The following RSRC1 variants were observed in gnomAD, a reference collection of about 807,000 sequenced individuals.
The protein encoded by RSRC1 is arginine and serine rich coiled-coil 1, also known as serine/Arginine-related protein 53.
A neutral mutation model predicts 49.1 loss-of-function variants in RSRC1; 39 were observed. The ratio of observed to expected loss-of-function variants is 0.79; its 90% CI spans 0.61 to 1.04. The LOEUF is 1.04. Ranked by LOEUF, RSRC1 falls within the 50% of genes least tolerant of loss-of-function variation. The pLI is 0.00. For synonymous variants in RSRC1, 143 were observed against 130.8 expected, an observed-to-expected ratio of 1.09 and a Z score of -0.63; for missense variants, 388 against 402.4, an observed-to-expected ratio of 0.96 and a Z score of 0.31.
At chr3:158,238,416 C>G (rs1465757497) in intron 4 of RSRC1, among the ~76,000 whole-genome samples, 1 of 152,122 alleles carries the variant, frequency 6.6e-6, no homozygotes, top group Non-Finnish European at 1.5e-5. Flanking sequence ...CAAGTCAATC[C>G]TAAGCCAAAA....
At chr3:158,505,973 A>G (rs1739842681) in intron 7 of RSRC1, among the ~76,000 whole-genome samples, 1 of 152,192 alleles carries the variant, frequency 6.6e-6, no homozygotes, top group Non-Finnish European at 1.5e-5. Flanking sequence ...TTCTTTAAAA[A>G]GCAAATAAAA....
intron 6 of RSRC1, among the ~76,000 whole-genome samples, chr3:158,436,558 C>A (rs1257030874): frequency 1.3e-5 from 2 of 151,700 alleles, no homozygotes; most frequent in Admixed American, 6.6e-5. Flanking sequence ...ATTGGAGAAA[C>A]CACTTTACAT....
intron 7 of RSRC1, among the ~76,000 whole-genome samples, chr3:158,463,171 C>T (rs1489025056): frequency 6.6e-6 from 1 of 151,962 alleles, no homozygotes; most frequent in Non-Finnish European, 1.5e-5. Flanking sequence ...CTAAGACAGG[C>T]CGTAACTATT....
At chr3:158,311,641 G>A (rs1728135168) in intron 5 of RSRC1, among the ~76,000 whole-genome samples, 1 of 151,916 alleles carries the variant, frequency 6.6e-6, no homozygotes, top group South Asian at 2.1e-4. Context: ...GAAATCTAAT[G>A]TACAGCATGG....
intron 3 of RSRC1, among the ~76,000 whole-genome samples, chr3:158,165,759 T>G (rs778820032): frequency 2.0e-5 from 3 of 152,248 alleles, no homozygotes; most frequent in Non-Finnish European, 2.9e-5. Flanking sequence ...TTATTCCATA[T>G]TTGCTCCACT....
chr3:158,216,663 C>G (rs1332090414), intron 4 of RSRC1, among the ~76,000 whole-genome samples: 1 of 151,580 alleles, frequency 6.6e-6, no homozygotes, highest in Non-Finnish European at 1.5e-5. Flanking sequence ...TGTAATAGTT[C>G]TTTAGAAAAA....
Position 158,460,584 on chromosome 3 carries a change from T to C in RSRC1, c.584-351T>C, listed in dbSNP as rs558688987. Among the ~76,000 whole-genome samples, 9 of 151,996 alleles carry C rather than the reference T, an allele frequency of 5.9e-5. No individual in the cohort carries two copies. In the South Asian group the frequency reaches 1.7e-3, roughly 28 times the overall value. On this transcript the variant is annotated intron_variant, in intron 6 of 9. Coordinates refer to ENST00000611884, the MANE Select transcript of RSRC1 (RefSeq NM_001271838.2). ...AGTGCGAACTGTACCTTAAGAACTT[T>C]CCTCCAAAATTTAAAACAAATGCAT...
intron 6 of RSRC1, among the ~76,000 whole-genome samples, chr3:158,445,242 T>G (rs1036957010): frequency 6.6e-6 from 1 of 152,084 alleles, no homozygotes; most frequent in African/African-American, 2.4e-5. Flanking sequence ...TAGCAAAGAC[T>G]TGGAACAAAC....
chr3:158,262,327 A>G (rs540161183), intron 4 of RSRC1, among the ~76,000 whole-genome samples: 36 of 152,054 alleles, frequency 2.4e-4, no homozygotes, highest in Non-Finnish European at 4.6e-4. Context: ...GTTAATGTTC[A>G]TTTTTTGTTT....
intron 4 of RSRC1, among the ~76,000 whole-genome samples, chr3:158,271,499 G>A (rs533270402): frequency 6.6e-6 from 1 of 152,124 alleles, no homozygotes; most frequent in South Asian, 2.1e-4. Context: ...TTTAAAGATG[G>A]CCTAATTGTC....
intron 3 of RSRC1, among the ~76,000 whole-genome samples, chr3:158,201,091 C>G (rs999789369): frequency 6.6e-6 from 1 of 151,954 alleles, no homozygotes; most frequent in African/African-American, 2.4e-5. Flanking sequence ...CCTTATTTTA[C>G]TTTCATTTTT....
At chr3:158,357,131 A>G (rs1044456295) in intron 6 of RSRC1, among the ~76,000 whole-genome samples, 3 of 152,188 alleles carry the variant, frequency 2.0e-5, no homozygotes, top group African/African-American at 7.2e-5. Flanking sequence ...TTTATTGAAT[A>G]TTTATGTTGT....
At chr3:158,248,033 T>G (rs555343255) in intron 4 of RSRC1, among the ~76,000 whole-genome samples, 9 of 152,294 alleles carry the variant, frequency 5.9e-5, no homozygotes, top group African/African-American at 2.2e-4. Context: ...CAGTTGAAGG[T>G]GCTATATCCA....
At chr3:158,535,727 A>C (rs1712679230) in intron 7 of RSRC1, among the ~76,000 whole-genome samples, 1 of 151,488 alleles carries the variant, frequency 6.6e-6, no homozygotes, top group East Asian at 1.9e-4. Context: ...CCAAAAATGA[A>C]GCAATTGAAG....
chr3:158,136,961 T>G (rs945481262), intron 3 of RSRC1: 1 of 152,208 alleles, frequency 6.6e-6, no homozygotes, highest in African/African-American at 2.4e-5. Flanking sequence ...AGGACACTGT[T>G]AAATAAATGT....
At chr3:158,136,486 T>C (rs1262370235) in intron 3 of RSRC1, among the ~76,000 whole-genome samples, 3 of 152,196 alleles carry the variant, frequency 2.0e-5, no homozygotes, top group Admixed American at 6.5e-5. Context: ...TGTATATTTG[T>C]AATGAAAATG....
At chr3:158,465,646 A>G (rs1481126441) in intron 7 of RSRC1, among the ~76,000 whole-genome samples, 2 of 152,118 alleles carry the variant, frequency 1.3e-5, no homozygotes, top group Admixed American at 6.5e-5. Flanking sequence ...GTAATATGCA[A>G]TATTATTTCT....
chr3:158,418,112 A>C (rs1167397116), intron 6 of RSRC1, among the ~76,000 whole-genome samples: 1 of 152,022 alleles, frequency 6.6e-6, no homozygotes, highest in Non-Finnish European at 1.5e-5. Flanking sequence ...TGTGGTTATT[A>C]CTATCTTTTT....
chr3:158,121,627 A>G (rs906785180), intron 1 of RSRC1, among the ~76,000 whole-genome samples: 7 of 152,180 alleles, frequency 4.6e-5, no homozygotes, highest in Admixed American at 1.3e-4. Context: ...AAAAAATTCA[A>G]CTCTAAGATA....
Sources: gnomAD v4.1 joint callset for allele counts (sites outside exome capture counted in the v4.1 genomes callset) on GRCh38, gnomAD v4.1.1 for gene constraint, MANE v1.5 for transcripts, NCBI Gene and HGNC (gene_info 2026-07-23, HGNC 2026-07-21) for gene names.